Variants in GRB2 observed in about 807,000 individuals in gnomAD.
GRB2 encodes the protein growth factor receptor-bound protein 2.
In GRB2, 2 loss-of-function variants were observed where a neutral mutation model predicts 27.4. The observed-to-expected ratio is 0.07, with a 90% CI of 0.03 to 0.23. The LOEUF (loss-of-function observed/expected upper bound fraction) is 0.23, where lower values mean the gene tolerates loss of function less well. Ranked by LOEUF, GRB2 falls within the 10% of genes least tolerant of loss-of-function variation. GRB2 has a pLI of 1.00. For synonymous variants in GRB2, 94 were observed against 99.6 expected (o/e 0.94, Z 0.33); for missense variants, 102 against 282.4 (o/e 0.36, Z 4.58).
At chr17:75,326,043 T>C in intron 3 of GRB2, 23 bp from the exon 4 acceptor site, 1 of 1,613,716 alleles carries the variant, frequency 6.2e-7, no homozygotes, top group Non-Finnish European at 8.5e-7. Flanking sequence ...GGCAAGCTGG[T>C]CAACATCTGC....
chr17:75,383,514 C>G (rs1191975055), intron 2 of GRB2, among the ~76,000 whole-genome samples: 2 of 152,144 alleles, frequency 1.3e-5, no homozygotes, highest in African/African-American at 4.8e-5. Flanking sequence ...TAAAAGCTAG[C>G]AATTACTGTC....
chr17:75,378,059 C>T (rs1462876860), intron 2 of GRB2, among the ~76,000 whole-genome samples: 1 of 151,980 alleles, frequency 6.6e-6, no homozygotes, highest in Non-Finnish European at 1.5e-5. Context: ...ATCATTTCTG[C>T]CTCAATAGTC....
chr17:75,356,053 C>G (rs975684146), intron 2 of GRB2, among the ~76,000 whole-genome samples: 1 of 151,770 alleles, frequency 6.6e-6, no homozygotes, highest in Non-Finnish European at 1.5e-5. Context: ...AGGCTGGTGT[C>G]GAACTCCTGA....
chr17:75,342,377 AT>A (rs1210745895), intron 2 of GRB2, among the ~76,000 whole-genome samples: 1 of 152,128 alleles, frequency 6.6e-6, no homozygotes, highest in African/African-American at 2.4e-5. Flanking sequence ...GTTCTAAGTA[AT>A]ACATTTAGTG....
intron 3 of GRB2, 125 bp downstream of exon 3, chr17:75,332,575 T>C (rs1046524266): frequency 3.1e-6 from 2 of 644,006 alleles, no homozygotes; most frequent in African/African-American, 3.7e-5. Flanking sequence ...TCAATATCCT[T>C]TGTTAATTCC....
chr17:75,366,437 C>T (rs1380166645), intron 2 of GRB2, among the ~76,000 whole-genome samples: 2 of 138,194 alleles, frequency 1.4e-5, no homozygotes, highest in Non-Finnish European at 3.1e-5. Flanking sequence ...AATCCCAGCA[C>T]TTTGGGAGGC....
At chr17:75,334,203 C>G (rs542430290) in intron 2 of GRB2, among the ~76,000 whole-genome samples, 1 of 152,096 alleles carries the variant, frequency 6.6e-6, no homozygotes, top group South Asian at 2.1e-4. Flanking sequence ...CAGAGTCTCG[C>G]TCTGTCGCCC....
At chr17:75,386,702 T>C (rs1048065167) in intron 2 of GRB2, among the ~76,000 whole-genome samples, 2 of 152,184 alleles carry the variant, frequency 1.3e-5, no homozygotes, top group Non-Finnish European at 2.9e-5. Flanking sequence ...TACCCTAACA[T>C]TTCTGGTCTA....
At chr17:75,321,416 A>G (rs1243973193) in intron 5 of GRB2, among the ~76,000 whole-genome samples, 1 of 152,058 alleles carries the variant, frequency 6.6e-6, no homozygotes, top group Non-Finnish European at 1.5e-5. Context: ...ACCTCAAGAG[A>G]TCTGCCTGCC....
At chr17:75,333,132 G>A (rs2078552457) in intron 2 of GRB2, among the ~76,000 whole-genome samples, 1 of 152,026 alleles carries the variant, frequency 6.6e-6, no homozygotes, top group South Asian at 2.1e-4. Context: ...CTGAAGTGCA[G>A]TGGCGCGATC....
chr17:75,326,397 G>A, intron 3 of GRB2: 1 of 216,866 alleles, frequency 4.6e-6, no homozygotes, highest in Non-Finnish European at 9.4e-6. Context: ...CTGCCAAGGA[G>A]AGACTGGCCC....
At chr17:75,374,073 G>A (rs990511860) in intron 2 of GRB2, among the ~76,000 whole-genome samples, 8 of 151,536 alleles carry the variant, frequency 5.3e-5, no homozygotes, top group African/African-American at 1.9e-4. Flanking sequence ...GGGATTACAG[G>A]AGTGAGCCAC....
At chr17:75,336,276 G>A (rs2078576204) in intron 2 of GRB2, among the ~76,000 whole-genome samples, 1 of 152,166 alleles carries the variant, frequency 6.6e-6, no homozygotes, top group African/African-American at 2.4e-5. Flanking sequence ...GACTACAGGT[G>A]CGTGCACCCA....
chr17:75,374,851 C>CA (rs1399650576), intron 2 of GRB2, among the ~76,000 whole-genome samples: 2 of 152,106 alleles, frequency 1.3e-5, no homozygotes, highest in Admixed American at 6.6e-5. Context: ...CTCTATATGG[C>CA]ATATACTCTC....
At chr17:75,368,624 C>G (rs1250854577) in intron 2 of GRB2, among the ~76,000 whole-genome samples, 1 of 151,856 alleles carries the variant, frequency 6.6e-6, no homozygotes, top group South Asian at 2.1e-4. Flanking sequence ...CAGTCTCAAC[C>G]TCCCGGCTCA....
intron 2 of GRB2, among the ~76,000 whole-genome samples, chr17:75,363,567 G>A (rs1406041616): frequency 6.6e-6 from 1 of 152,132 alleles, no homozygotes; most frequent in Non-Finnish European, 1.5e-5. Context: ...GAGCTTAAGA[G>A]CAAACTAGCG....
chr17:75,368,847 A>C (rs1455310189), intron 2 of GRB2, among the ~76,000 whole-genome samples: 2 of 152,120 alleles, frequency 1.3e-5, no homozygotes, highest in Non-Finnish European at 2.9e-5. Context: ...CACCCAGATA[A>C]ATATGACTCT....
Position 75,393,648 on chromosome 17 carries a change from TCAG to T in GRB2, c.-23_-21del. 6.2e-7 allele frequency: 1 copy of T among 1,605,108 alleles called. No homozygotes were observed. The highest frequency in any genetic ancestry group is 8.5e-7 in the Non-Finnish European group (1 of 1,171,904). The stretch of plus-strand genomic sequence containing the variant: ...TTCCATTCTGAGCGCTGCTCAGTGC[TCAG>T]CAGCCTGAAGCAGGGGGAAGGGAGT... On this transcript the variant is annotated 5_prime_UTR_variant, in exon 2 of 6. Transcript: ENST00000316804.
intron 2 of GRB2, chr17:75,344,263 G>A (rs1372025743): frequency 6.6e-6 from 1 of 152,142 alleles, no homozygotes; most frequent in East Asian, 1.9e-4. Context: ...TCTGCAAGTA[G>A]ACAGATTGTT....
Sources: allele counts gnomAD v4.1 joint callset (sites outside exome capture counted in the v4.1 genomes callset), GRCh38; gene constraint gnomAD v4.1.1; transcripts MANE v1.5; gene names NCBI Gene and HGNC (gene_info 2026-07-23, HGNC 2026-07-21).